Variants in ATP2C2 observed in about 807,000 individuals in gnomAD.
ATP2C2 encodes calcium-transporting ATPase type 2C member 2.
A neutral mutation model predicts 110.8 loss-of-function variants in ATP2C2; 171 were observed. That is an observed-to-expected ratio of 1.54 (90% CI 1.36 to 1.75). ATP2C2 has a LOEUF of 1.75. Among genes scored for constraint, ATP2C2 ranks in the 40% most tolerant of loss-of-function variants. The pLI is 0.00. For missense variants in ATP2C2, 1,963 were observed against 1,235.0 expected (o/e 1.59, Z -8.84); for synonymous variants, 804 against 508.4 (o/e 1.58, Z -7.82).
intron 1 of ATP2C2, among the ~76,000 whole-genome samples, chr16:84,372,020 C>T (rs1909982996): frequency 1.3e-5 from 2 of 152,106 alleles, no homozygotes; most frequent in African/African-American, 4.8e-5. Context: ...ATAGGAGTGG[C>T]AAAGGGTGAG....
At chr16:84,396,374 C>T (rs1363731959) in intron 1 of ATP2C2, among the ~76,000 whole-genome samples, 1 of 151,586 alleles carries the variant, frequency 6.6e-6, no homozygotes, top group Non-Finnish European at 1.5e-5. Flanking sequence ...GGTGAAAACC[C>T]GTCTCTACTA....
At chr16:84,446,628 G>C (rs1266752207) in intron 16 of ATP2C2, among the ~76,000 whole-genome samples, 198 bp downstream of exon 16, 1 of 152,184 alleles carries the variant, frequency 6.6e-6, no homozygotes, top group African/African-American at 2.4e-5. Context: ...TAAAACAGAA[G>C]TTCTTAAAGC....
intron 1 of ATP2C2, among the ~76,000 whole-genome samples, chr16:84,389,301 CCTTT>C (rs549303454): frequency 1.3e-5 from 2 of 151,712 alleles, no homozygotes; most frequent in South Asian, 4.2e-4. Flanking sequence ...TTCCTGGGTG[CCTTT>C]CTAGATTCCC....
intron 1 of ATP2C2, among the ~76,000 whole-genome samples, chr16:84,390,190 G>C (rs1421358255): frequency 6.6e-6 from 1 of 152,230 alleles, no homozygotes; most frequent in African/African-American, 2.4e-5. Flanking sequence ...AGGGTCTAAC[G>C]CAGTCCAAGT....
chr16:84,404,989 A>C (rs1256842768), intron 2 of ATP2C2, 139 bp from the exon 3 acceptor site: 1 of 787,202 alleles, frequency 1.3e-6, no homozygotes, highest in African/African-American at 1.7e-5. Context: ...TCTTTGAACA[A>C]GTCCCAGCAC....
chr16:84,435,826 CA>C (rs57536104), intron 11 of ATP2C2, among the ~76,000 whole-genome samples: 124,411 of 149,810 alleles, frequency 0.83, 51,608 homozygotes, highest in East Asian at 0.95. Flanking sequence ...GAACCTGCCT[CA>C]AAAAAAAAAA....
At position 84,423,214 on chromosome 16, in the gene ATP2C2, C is replaced by T; in HGVS notation, c.870C>T (p.Ser290=). The T allele has an allele frequency of 6.2e-7, 1 of 1,614,160 alleles. No individual in the cohort carries two copies. The highest frequency in any genetic ancestry group is 8.5e-7 in the Non-Finnish European group (1 of 1,180,014). ...EETPKTPLQK[S]MDRLGKQLTL... is the part of the protein sequence containing the mutation. ...CACCTAAAACTCCTTTGCAGAAAAG[C>T]ATGGACAGGCTAGGAAAGCAACTGA... The change falls in exon 10 of 27, where the codon AGC becomes AGT. Residue 290 remains serine (S), a synonymous_variant. Transcript: ENST00000262429.
At chr16:84,393,378 C>G (rs982861933) in intron 1 of ATP2C2, among the ~76,000 whole-genome samples, 2 of 152,044 alleles carry the variant, frequency 1.3e-5, no homozygotes, top group African/African-American at 4.8e-5. Flanking sequence ...GCTCAGTCAC[C>G]AACCCAGGGA....
chr16:84,398,510 G>T lies in ATP2C2; in HGVS notation c.111G>T (p.Gln37His). 3 of 1,611,354 alleles carry T rather than the reference G, an allele frequency of 1.9e-6. No homozygotes were observed. Among genetic ancestry groups the T allele is most frequent in the Non-Finnish European group, 2.5e-6 (3 of 1,179,082 alleles). ...TGCTCTTTTCACAGATTGATGAACA[G>T]AGTGAGCTGAAAGCCATCGAGAAAG... ...KDEEEALIDE[Q>H]SELKAIEKEK... is the part of the protein sequence containing the mutation. The change falls in exon 2 of 27, where the codon CAG (glutamine) becomes CAT (histidine). Residue 37 changes from glutamine (Q) to histidine (H), a missense_variant. Transcript: ENST00000262429.
At chr16:84,439,872 G>A (rs11866988) in intron 13 of ATP2C2, among the ~76,000 whole-genome samples, 57,825 of 152,032 alleles carry the variant, frequency 0.38, 11,461 homozygotes, top group East Asian at 0.54. Context: ...GTCTTGCTCC[G>A]TCACCCAGGC....
intron 7 of ATP2C2, among the ~76,000 whole-genome samples, chr16:84,420,604 A>G (rs1807066713): frequency 6.6e-6 from 1 of 151,842 alleles, no homozygotes; most frequent in African/African-American, 2.4e-5. Flanking sequence ...TTACTTGGGT[A>G]CATCGGTCAC....
intron 3 of ATP2C2, among the ~76,000 whole-genome samples, chr16:84,406,069 T>A (rs1342658270): frequency 6.6e-6 from 1 of 152,254 alleles, no homozygotes; most frequent in Non-Finnish European, 1.5e-5. Context: ...GGTGTCCTAC[T>A]GTAACCTGAG....
intron 5 of ATP2C2, 44 bp downstream of exon 5, chr16:84,410,647 C>G: frequency 1.9e-6 from 3 of 1,613,746 alleles, no homozygotes; most frequent in Non-Finnish European, 2.5e-6. Context: ...CTGGGCGGGA[C>G]AGGAGCTTCA....
intron 6 of ATP2C2, among the ~76,000 whole-genome samples, chr16:84,411,273 T>C (rs1906263062): frequency 6.6e-6 from 1 of 151,302 alleles, no homozygotes; most frequent in South Asian, 2.1e-4. Flanking sequence ...AGTTTTCCAT[T>C]GGTTACTGCA....
intron 11 of ATP2C2, among the ~76,000 whole-genome samples, chr16:84,438,647 C>T (rs1224245441): frequency 6.6e-6 from 1 of 152,168 alleles, no homozygotes; most frequent in Admixed American, 6.5e-5. Flanking sequence ...CAGATCCACG[C>T]AGCAGGCAAG....
chr16:84,381,853 A>G (rs16963548), intron 1 of ATP2C2, among the ~76,000 whole-genome samples: 4,613 of 152,290 alleles, frequency 0.03, 222 homozygotes, highest in African/African-American at 0.11. Flanking sequence ...AAATCCCTGT[A>G]GAAATCTGAG....
chr16:84,447,702 G>GTAATATATATTACATATATTATT (rs1909876927), intron 16 of ATP2C2, among the ~76,000 whole-genome samples: 1 of 138,642 alleles, frequency 7.2e-6, no homozygotes, highest in African/African-American at 2.6e-5. Context: ...TATATATTAT[G>GTAATATATATTACATATATTATT]TAATATATAT....
intron 3 of ATP2C2, among the ~76,000 whole-genome samples, chr16:84,408,047 C>T (rs916318935): frequency 6.6e-6 from 1 of 152,154 alleles, no homozygotes; most frequent in Non-Finnish European, 1.5e-5. Context: ...ATTTGGGGAG[C>T]TGGTGTGGTG....
Position 84,461,752 on chromosome 16 carries a change from G to C in ATP2C2, c.2520G>C (p.Thr840=), listed in dbSNP as rs267604668. The change falls in exon 25 of 27, where the codon ACG becomes ACC. Residue 840 remains threonine, a synonymous_variant. Coordinates refer to ENST00000262429, the MANE Select transcript of ATP2C2 (RefSeq NM_014861.4). The stretch of plus-strand genomic sequence containing the variant: ...GAGCAAGCACTCCCCGCACCACGAC[G>C]ATGACGTTCACTTGTTTTGTGTTTT... ...EDRASTPRTT[T]MTFTCFVFFD... 6.2e-7 allele frequency: 1 copy of C among 1,614,186 alleles called. No homozygotes were observed. Among genetic ancestry groups the C allele is most frequent in the East Asian group, 2.2e-5 (1 of 44,884 alleles).
Sources: gnomAD v4.1 joint callset for allele counts (sites outside exome capture counted in the v4.1 genomes callset) on GRCh38, gnomAD v4.1.1 for gene constraint, MANE v1.5 for transcripts, NCBI Gene and HGNC (gene_info 2026-07-23, HGNC 2026-07-21) for gene names.